Variants in KDM4C observed in about 807,000 individuals in gnomAD.
The protein encoded by KDM4C is lysine-specific demethylase 4C.
Under a neutral mutation model 129.3 loss-of-function variants are expected in KDM4C, and 81 were observed. The observed-to-expected ratio is 0.63, with a 90% confidence interval of 0.52 to 0.75. The LOEUF (loss-of-function observed/expected upper bound fraction) is 0.75. Ranked by LOEUF, KDM4C falls within the 30% of genes least tolerant of loss-of-function variation. KDM4C has a pLI of 0.00. For synonymous variants in KDM4C, 573 were observed against 456.1 expected (o/e 1.26, Z -3.26); for missense variants, 1,457 against 1,304.0 (o/e 1.12, Z -1.81).
At chr9:6,992,673 T>A (rs752645) in intron 12 of KDM4C, among the ~76,000 whole-genome samples, 40,597 of 152,128 alleles carry the variant, frequency 0.27, 5,955 homozygotes, top group Non-Finnish European at 0.32. Context: ...AACATTATCA[T>A]TGTTAGATTG....
chr9:7,052,888 A>T (rs1326617017), intron 17 of KDM4C, among the ~76,000 whole-genome samples: 1 of 12,254 alleles, frequency 8.2e-5, no homozygotes, highest in African/African-American at 4.5e-4. Flanking sequence ...AGAGAGAGAG[A>T]GAGAGAGAGA....
At chr9:6,918,476 G>A (rs1412957028) in intron 8 of KDM4C, among the ~76,000 whole-genome samples, 2 of 152,174 alleles carry the variant, frequency 1.3e-5, no homozygotes, top group Non-Finnish European at 2.9e-5. Context: ...GCACTGTGAT[G>A]AATATAGAGT....
At chr9:7,135,308 A>G (rs1469904028) in intron 19 of KDM4C, among the ~76,000 whole-genome samples, 1 of 152,130 alleles carries the variant, frequency 6.6e-6, no homozygotes, top group Non-Finnish European at 1.5e-5. Context: ...CTGTGCTGGC[A>G]GTTATCTCAA....
intron 8 of KDM4C, among the ~76,000 whole-genome samples, chr9:6,972,668 C>G (rs190465600): frequency 7.9e-5 from 12 of 152,254 alleles, no homozygotes; most frequent in Non-Finnish European, 1.5e-4. Flanking sequence ...CTTTGTTTTG[C>G]TATTCATGAG....
chr9:6,975,452 T>A (rs1015286468), intron 8 of KDM4C, among the ~76,000 whole-genome samples: 3 of 152,320 alleles, frequency 2.0e-5, no homozygotes, highest in African/African-American at 7.2e-5. Flanking sequence ...CACAGTAGAT[T>A]GGGTAAGAGT....
chr9:6,995,886 T>C (rs574259300), intron 12 of KDM4C, among the ~76,000 whole-genome samples: 2 of 134,930 alleles, frequency 1.5e-5, no homozygotes, highest in South Asian at 4.4e-4. Context: ...TTAGCCAGGA[T>C]GGTCTCGATC....
intron 8 of KDM4C, chr9:6,941,681 A>T (rs1825963455): frequency 6.6e-6 from 1 of 150,958 alleles, no homozygotes; most frequent in Non-Finnish European, 1.5e-5. Flanking sequence ...CTCATGCTTG[A>T]CGTTGTGGCA....
At chr9:7,140,108 T>A (rs1841592104) in intron 19 of KDM4C, among the ~76,000 whole-genome samples, 1 of 152,110 alleles carries the variant, frequency 6.6e-6, no homozygotes, top group South Asian at 2.1e-4. Context: ...GCTCACCAGT[T>A]TCAGGTGTTT....
At chr9:6,831,785 T>C (rs1215328410) in intron 4 of KDM4C, among the ~76,000 whole-genome samples, 1 of 152,160 alleles carries the variant, frequency 6.6e-6, no homozygotes, top group Non-Finnish European at 1.5e-5. Context: ...CAAAGCTCTA[T>C]TCTGGAAGCT....
In KDM4C at chr9:7,144,804, C is replaced by G. The variant is rs1842070371; in HGVS notation, c.2781+16568C>G. On this transcript the variant is annotated intron_variant, in intron 19 of 21. Transcript: ENST00000381309. ...CCTCCACACTGTAAGACGTGGCATGCCACTTGTATCAGAATATTACATGGA... is the reference window on the plus strand; with the variant it reads ...CCTCCACACTGTAAGACGTGGCATGGCACTTGTATCAGAATATTACATGGA... Among the ~76,000 whole-genome samples the G allele has an allele frequency of 2.0e-5, 3 of 152,366 alleles. No homozygotes were observed. In the South Asian group the frequency reaches 6.2e-4, roughly 32 times the overall value.
intron 17 of KDM4C, among the ~76,000 whole-genome samples, chr9:7,102,771 A>G (rs1421775519): frequency 6.6e-6 from 1 of 152,172 alleles, no homozygotes; most frequent in Non-Finnish European, 1.5e-5. Flanking sequence ...CAGATTTCAG[A>G]TCCTTTTTAC....
At chr9:6,739,846 A>C (rs1817631398) in intron 1 of KDM4C, among the ~76,000 whole-genome samples, 1 of 152,100 alleles carries the variant, frequency 6.6e-6, no homozygotes, top group Non-Finnish European at 1.5e-5. Context: ...AAAATGAATA[A>C]ATAGCAAAGT....
At chr9:7,077,028 G>A in intron 17 of KDM4C, 4 of 985,444 alleles carry the variant, frequency 4.1e-6, no homozygotes, top group Non-Finnish European at 4.8e-6. Context: ...CCTTCTTGCT[G>A]CACAACAAAG....
At chr9:6,996,271 G>A (rs976915109) in intron 12 of KDM4C, among the ~76,000 whole-genome samples, 1 of 152,184 alleles carries the variant, frequency 6.6e-6, no homozygotes, top group African/African-American at 2.4e-5. Flanking sequence ...AACTTCCCTT[G>A]AAGTGACGTT....
At chr9:6,733,129 G>C (rs559962696) in intron 1 of KDM4C, among the ~76,000 whole-genome samples, 2 of 152,336 alleles carry the variant, frequency 1.3e-5, no homozygotes, top group South Asian at 2.1e-4. Context: ...GTTTGTAACT[G>C]ACAAGTTTTC....
intron 8 of KDM4C, among the ~76,000 whole-genome samples, chr9:6,974,071 C>T (rs760732276): frequency 2.0e-5 from 3 of 152,164 alleles, no homozygotes; most frequent in South Asian, 2.1e-4. Flanking sequence ...ATCACTTAAA[C>T]CCCCTTTTCC....
At chr9:6,984,117 A>C (rs1031360882) in intron 9 of KDM4C, 49 bp from the exon 10 acceptor site, 10 of 1,167,142 alleles carry the variant, frequency 8.6e-6, no homozygotes, top group Non-Finnish European at 1.3e-5. Context: ...TGTGTTTTTC[A>C]TATCCATTGC....
At chr9:7,108,685 T>C (rs946229519) in intron 18 of KDM4C, among the ~76,000 whole-genome samples, 1 of 152,210 alleles carries the variant, frequency 6.6e-6, no homozygotes, top group African/African-American at 2.4e-5. Flanking sequence ...GCAAGGGCTC[T>C]GTGGGTTAAC....
Position 6,876,714 on chromosome 9 carries a change from C to T in KDM4C, c.630-3298C>T, listed in dbSNP as rs890920845. On this transcript the variant is annotated intron_variant, in intron 5 of 21. Coordinates refer to ENST00000381309, the MANE Select transcript of KDM4C (RefSeq NM_015061.6). ...CAGAGAAGTCAGTGAGTCTAGTGTT[C>T]AAATGCAATGTGACTGAGTGCCCCT... 2.6e-5 allele frequency among the ~76,000 whole-genome samples: 4 copies of T among 152,180 alleles called. No homozygotes were observed. The East Asian group carries it at 5.8e-4, about 22-fold the overall frequency.
Sources: allele counts gnomAD v4.1 joint callset (sites outside exome capture counted in the v4.1 genomes callset), GRCh38; gene constraint gnomAD v4.1.1; transcripts MANE v1.5; gene names NCBI Gene and HGNC (gene_info 2026-07-23, HGNC 2026-07-21).